Variants in NBEA observed in about 807,000 individuals in gnomAD.
NBEA encodes the protein neurobeachin.
Under a neutral mutation model 343.4 loss-of-function variants are expected in NBEA, and 44 were observed. The ratio of observed to expected loss-of-function variants is 0.13; its 90% CI spans 0.10 to 0.16. The LOEUF is 0.16. Among genes scored for constraint, NBEA ranks in the 10% least tolerant of loss-of-function variants. NBEA has a pLI of 1.00. For missense variants in NBEA, 2,555 were observed against 3,631.3 expected (o/e 0.70, Z 7.62); for synonymous variants, 1,175 against 1,238.7 (o/e 0.95, Z 1.08).
chr13:35,052,067 G>A (rs2063082476), intron 6 of NBEA, among the ~76,000 whole-genome samples: 1 of 152,026 alleles, frequency 6.6e-6, no homozygotes, highest in African/African-American at 2.4e-5. Flanking sequence ...AAGGGGTCTA[G>A]TTAGGAGCAG....
At chr13:35,305,152 A>G (rs1469845606) in intron 35 of NBEA, among the ~76,000 whole-genome samples, 1 of 152,146 alleles carries the variant, frequency 6.6e-6, no homozygotes, top group Non-Finnish European at 1.5e-5. Context: ...ATTTTCTTTT[A>G]GAGTGAATTG....
intron 10 of NBEA, among the ~76,000 whole-genome samples, chr13:35,080,566 G>T (rs1342410543): frequency 6.6e-6 from 1 of 152,128 alleles, no homozygotes; most frequent in Admixed American, 6.5e-5. Flanking sequence ...AAATATTTTT[G>T]CCATGGAGAG....
At chr13:35,349,355 A>G (rs889509577) in intron 37 of NBEA, 139 bp downstream of exon 37, 10 of 511,056 alleles carry the variant, frequency 2.0e-5, no homozygotes, top group Non-Finnish European at 3.6e-6. Flanking sequence ...TAAAAGCTTT[A>G]GTAAATGTCA....
chr13:35,075,644 T>A (rs1286307088), intron 10 of NBEA, among the ~76,000 whole-genome samples: 1 of 152,074 alleles, frequency 6.6e-6, no homozygotes, highest in East Asian at 1.9e-4. Context: ...CATTAGTTTG[T>A]TTAGTGAACT....
chr13:35,615,353 A>AT (rs1402238205), intron 48 of NBEA, among the ~76,000 whole-genome samples: 2 of 150,152 alleles, frequency 1.3e-5, no homozygotes, highest in East Asian at 3.9e-4. Flanking sequence ...GTAAAAATAT[A>AT]TTTTTTTTGA....
chr13:35,531,553 A>C (rs2078263823), intron 41 of NBEA, among the ~76,000 whole-genome samples: 1 of 152,160 alleles, frequency 6.6e-6, no homozygotes. Flanking sequence ...CAGAAATCCT[A>C]GCCCTTACCT....
intron 45 of NBEA, among the ~76,000 whole-genome samples, chr13:35,581,009 G>A (rs1311802720): frequency 6.6e-6 from 1 of 152,164 alleles, no homozygotes; most frequent in Admixed American, 6.5e-5. Context: ...GATTTTACAG[G>A]ACAAACAGTA....
intron 36 of NBEA, among the ~76,000 whole-genome samples, chr13:35,339,037 G>A (rs113049668): frequency 5.9e-5 from 9 of 152,092 alleles, no homozygotes; most frequent in East Asian, 1.9e-4. Context: ...AAAGAACCCC[G>A]CAATGAAGTC....
At chr13:35,212,040 G>A (rs1188707123) in intron 33 of NBEA, among the ~76,000 whole-genome samples, 2 of 151,704 alleles carry the variant, frequency 1.3e-5, no homozygotes, top group South Asian at 2.1e-4. Context: ...TGTATTCACA[G>A]TTTTTATAGA....
At chr13:34,979,388 C>T (rs773712101) in intron 1 of NBEA, among the ~76,000 whole-genome samples, 6 of 152,156 alleles carry the variant, frequency 3.9e-5, no homozygotes, top group South Asian at 2.1e-4. Context: ...GGCATGGTGG[C>T]GTGCACCTGT....
At chr13:35,216,279 CTG>C (rs1453633900) in intron 33 of NBEA, among the ~76,000 whole-genome samples, 2 of 151,686 alleles carry the variant, frequency 1.3e-5, no homozygotes, top group African/African-American at 4.8e-5. Flanking sequence ...TGTCTATAAA[CTG>C]TGGACCATGG....
At chr13:35,513,595 T>A (rs912616803) in intron 41 of NBEA, among the ~76,000 whole-genome samples, 14 of 152,206 alleles carry the variant, frequency 9.2e-5, no homozygotes, top group African/African-American at 2.6e-4. Flanking sequence ...CACCTTTTTT[T>A]AAATATATTT....
chr13:35,671,389 G>GA lies in NBEA; in HGVS notation c.*413dup, dbSNP rs35377813. ...CATTTCCAGCCTCTTTTCAAGCTGA[G>GA]AAAAAAAAAAAAAAACACGTTTGAT... On this transcript the variant is annotated 3_prime_UTR_variant, in exon 59 of 59. Transcript: ENST00000379939. 0.019 allele frequency: 2,177 copies of GA among 113,686 alleles called. 17 individuals carry two copies. Among genetic ancestry groups the GA allele is most frequent in the East Asian group, 0.041 (170 of 4,112 alleles). The allele number at this position is 113,686 out of a possible 1,614,324, so 7.0% of individuals were successfully genotyped here. A position where few individuals can be genotyped will look rare whatever the true frequency, so the allele number is the denominator to read the frequency against.
chr13:35,164,557 CTT>C (rs1450961298), intron 24 of NBEA, 48 bp downstream of exon 24: 2 of 1,561,244 alleles, frequency 1.3e-6, no homozygotes, highest in Non-Finnish European at 1.7e-6. Context: ...AAATACATGA[CTT>C]TAGCATTTCA....
At chr13:35,445,797 T>TATATAC (rs909604455) in intron 39 of NBEA, among the ~76,000 whole-genome samples, 1 of 83,450 alleles carries the variant, frequency 1.2e-5, no homozygotes, top group African/African-American at 5.6e-5. Flanking sequence ...TATATATATA[T>TATATAC]ATATATATAT....
chr13:34,942,773 G>C lies in NBEA; in HGVS notation c.-48G>C. ...GGGCCGAGGCAGGTATAACGGTACC[G>C]GCGGCGGCAGCGCCGCTGCTCTTCC... is the stretch of plus-strand genomic sequence containing the variant. On this transcript the variant is annotated 5_prime_UTR_variant, in exon 1 of 59. Transcript: ENST00000379939. The C allele has an allele frequency of 7.7e-7, 1 of 1,295,524 alleles. No homozygotes were observed. The highest frequency in any genetic ancestry group is 9.8e-7 in the Non-Finnish European group (1 of 1,019,702). The allele number at this position is 1,295,524 out of a possible 1,614,324, so 80.3% of individuals were successfully genotyped here. A position where few individuals can be genotyped will look rare whatever the true frequency, so the allele number is the denominator to read the frequency against.
chr13:35,638,120 C>A (rs1225381607), intron 49 of NBEA, among the ~76,000 whole-genome samples: 3 of 151,822 alleles, frequency 2.0e-5, no homozygotes, highest in African/African-American at 7.3e-5. Context: ...GAGGGAGTGG[C>A]GAGTTTTTGT....
chr13:35,563,276 T>C (rs754150933), intron 44 of NBEA, among the ~76,000 whole-genome samples: 5 of 151,858 alleles, frequency 3.3e-5, no homozygotes, highest in African/African-American at 7.2e-5. Context: ...ATATCAACTA[T>C]CCTAAAGAAA....
intron 41 of NBEA, among the ~76,000 whole-genome samples, chr13:35,546,667 C>A (rs185497623): frequency 0.025 from 3,792 of 151,840 alleles, 74 homozygotes; most frequent in Middle Eastern, 0.078. Context: ...ATTCTCCTGC[C>A]GCAGCCTCCC....
Sources: allele counts gnomAD v4.1 joint callset (sites outside exome capture counted in the v4.1 genomes callset), GRCh38; gene constraint gnomAD v4.1.1; transcripts MANE v1.5; gene names NCBI Gene and HGNC (gene_info 2026-07-23, HGNC 2026-07-21).